UTRN: variants seen among roughly 807,000 people sequenced by gnomAD.
The protein encoded by UTRN is utrophin, also known as dystrophin-related protein 1.
Under a neutral mutation model 463.9 loss-of-function variants are expected in UTRN, and 283 were observed. The observed-to-expected ratio is 0.61, with a 90% CI of 0.55 to 0.67. The LOEUF is 0.67. Ranked by LOEUF, UTRN falls within the 30% of genes least tolerant of loss-of-function variation. UTRN has a pLI of 0.00. For synonymous variants in UTRN, 1,442 were observed against 1,431.5 expected (o/e 1.01, Z -0.17); for missense variants, 3,922 against 4,084.3 (o/e 0.96, Z 1.08).
At chr6:144,495,235 G>T (rs1336030463) in intron 33 of UTRN, among the ~76,000 whole-genome samples, 3 of 152,204 alleles carry the variant, frequency 2.0e-5, no homozygotes, top group African/African-American at 7.2e-5. Flanking sequence ...CCGCACAGGA[G>T]CCCATGGAGG....
intron 53 of UTRN, among the ~76,000 whole-genome samples, chr6:144,726,932 A>G (rs1787940814): frequency 6.6e-6 from 1 of 152,174 alleles, no homozygotes; most frequent in African/African-American, 2.4e-5. Context: ...ATATGTACAT[A>G]TTTCCATTTC....
At chr6:144,637,993 T>C (rs1777364168) in intron 51 of UTRN, among the ~76,000 whole-genome samples, 1 of 152,254 alleles carries the variant, frequency 6.6e-6, no homozygotes, top group African/African-American at 2.4e-5. Flanking sequence ...ATATTTAACC[T>C]TATGCATCAG....
At chr6:144,846,273 A>G (rs1329342390) in intron 73 of UTRN, among the ~76,000 whole-genome samples, 1 of 152,200 alleles carries the variant, frequency 6.6e-6, no homozygotes, top group Admixed American at 6.5e-5. Context: ...CCAAGGGACT[A>G]TTATTATCCC....
At chr6:144,770,635 G>A (rs561745691) in intron 58 of UTRN, among the ~76,000 whole-genome samples, 52 of 151,930 alleles carry the variant, frequency 3.4e-4, no homozygotes, top group African/African-American at 1.2e-3. Flanking sequence ...CTTAATTGAA[G>A]CATTCCATTT....
At position 144,543,339 on chromosome 6, in the gene UTRN, C is replaced by A. The variant is rs116717965; in HGVS notation, c.6595+469C>A. Among the ~76,000 whole-genome samples the A allele has an allele frequency of 3.7e-3, 560 of 152,312 alleles. 1 individual carries two copies. Among genetic ancestry groups the A allele is most frequent in the African/African-American group, 0.013 (542 of 41,574 alleles). ...ATGGATATTTAGAAGCATTCTCCAACCTAGGAGACAAATACTTCTCACTTG... is the reference window on the plus strand; with the variant it reads ...ATGGATATTTAGAAGCATTCTCCAAACTAGGAGACAAATACTTCTCACTTG... On this transcript the variant is annotated intron_variant, in intron 46 of 74. Coordinates refer to ENST00000367545, the MANE Select transcript of UTRN (RefSeq NM_007124.3).
At chr6:144,478,407 A>C (rs1216800472) in intron 25 of UTRN, among the ~76,000 whole-genome samples, 2 of 152,158 alleles carry the variant, frequency 1.3e-5, no homozygotes, top group African/African-American at 2.4e-5. Context: ...ATGGGGCCCA[A>C]GAATCTCTGT....
chr6:144,539,337 G>T lies in UTRN; in HGVS notation c.6413G>T (p.Trp2138Leu), dbSNP rs1205209069. ...EMEVHAEKLK[W>L]LNRTELEMLS... ...GAAGTACATGCTGAAAAACTCAAAT[G>T]GCTGAATAGAACTGAATTGGAGATG... Residue 2138 changes from tryptophan (W) to leucine (L), a missense_variant, in exon 45 of 75, where the codon TGG (tryptophan) becomes TTG (leucine). Around this residue, in one of 3 missense-constraint regions of UTRN, gnomAD observed 2,349 missense variants for 2,303.8 expected, o/e 1.02. Transcript: ENST00000367545. 4 of 1,612,458 alleles carry T rather than the reference G, an allele frequency of 2.5e-6. No individual in the cohort carries two copies. Among genetic ancestry groups the T allele is most frequent in the Middle Eastern group, 1.6e-4 (1 of 6,074 alleles).
intron 9 of UTRN, 124 bp downstream of exon 9, chr6:144,429,865 T>A: frequency 9.8e-7 from 1 of 1,017,050 alleles, no homozygotes; most frequent in Non-Finnish European, 1.4e-6. Flanking sequence ...CAGCTTACAT[T>A]TGCATAAGAA....
At chr6:144,706,115 T>C (rs1472325863) in intron 53 of UTRN, among the ~76,000 whole-genome samples, 1 of 151,958 alleles carries the variant, frequency 6.6e-6, no homozygotes, top group Non-Finnish European at 1.5e-5. Context: ...ATTTAATAGT[T>C]TTTGGCCAGT....
chr6:144,529,823 C>A (rs1008271892), intron 41 of UTRN, among the ~76,000 whole-genome samples: 1 of 151,950 alleles, frequency 6.6e-6, no homozygotes, highest in African/African-American at 2.4e-5. Context: ...TTGTTAAGAT[C>A]TCAGAGATCA....
At chr6:144,537,832 A>G in intron 44 of UTRN, 115 bp downstream of exon 44, 2 of 1,417,562 alleles carry the variant, frequency 1.4e-6, no homozygotes, top group South Asian at 2.8e-5. Context: ...TTTTTGGTAA[A>G]TGTGGTGAAC....
At chr6:144,578,077 C>T (rs1023244983) in intron 51 of UTRN, among the ~76,000 whole-genome samples, 4 of 152,062 alleles carry the variant, frequency 2.6e-5, no homozygotes, top group Admixed American at 2.6e-4. Flanking sequence ...GTGGTGCGCA[C>T]CTGTAGTCCC....
intron 2 of UTRN, among the ~76,000 whole-genome samples, chr6:144,387,200 C>A (rs1258556618): frequency 3.3e-5 from 5 of 151,978 alleles, no homozygotes. Context: ...TGGAGTGCAG[C>A]GGCGCGATCT....
At chr6:144,567,876 A>G (rs1800548443) in intron 50 of UTRN, among the ~76,000 whole-genome samples, 1 of 152,178 alleles carries the variant, frequency 6.6e-6, no homozygotes, top group African/African-American at 2.4e-5. Context: ...TTCATGTTCA[A>G]ATACTCTTTT....
chr6:144,535,111 C>T (rs931038704), intron 43 of UTRN, among the ~76,000 whole-genome samples: 1 of 152,134 alleles, frequency 6.6e-6, no homozygotes, highest in Non-Finnish European at 1.5e-5. Flanking sequence ...GACAGAGTCT[C>T]GCTCTGTCAC....
At chr6:144,606,909 G>A (rs1417638724) in intron 51 of UTRN, among the ~76,000 whole-genome samples, 1 of 152,204 alleles carries the variant, frequency 6.6e-6, no homozygotes, top group Non-Finnish European at 1.5e-5. Context: ...TACCCAGGAT[G>A]CTTCAGGTGA....
At chr6:144,397,299 C>T (rs1782527627) in intron 2 of UTRN, among the ~76,000 whole-genome samples, 1 of 152,008 alleles carries the variant, frequency 6.6e-6, no homozygotes, top group Admixed American at 6.5e-5. Flanking sequence ...TAAATGCAGT[C>T]CAGATGTGGC....
chr6:144,289,793 C>A (rs1341649668), intron 1 of UTRN, among the ~76,000 whole-genome samples: 2 of 152,160 alleles, frequency 1.3e-5, no homozygotes. Flanking sequence ...GGATTACAGG[C>A]ACCTGCCACC....
chr6:144,555,767 C>G (rs1799326231), intron 49 of UTRN, among the ~76,000 whole-genome samples: 1 of 152,110 alleles, frequency 6.6e-6, no homozygotes, highest in Admixed American at 6.5e-5. Flanking sequence ...AAATTCATCC[C>G]CATGATCCAG....
Sources: allele counts gnomAD v4.1 joint callset (sites outside exome capture counted in the v4.1 genomes callset), GRCh38; gene constraint gnomAD v4.1.1; regional missense constraint gnomAD v4.1.1; transcripts MANE v1.5; gene names NCBI Gene and HGNC (gene_info 2026-07-23, HGNC 2026-07-21).